KATNIP: variants seen among roughly 807,000 people sequenced by gnomAD.
The protein encoded by KATNIP is katanin-interacting protein.
In KATNIP, 126 loss-of-function variants were observed where a neutral mutation model predicts 174.0. That is an observed-to-expected ratio of 0.72 (90% CI 0.63 to 0.84). The LOEUF (loss-of-function observed/expected upper bound fraction) is 0.84. KATNIP is among the 40% of genes least tolerant of loss of function. KATNIP has a pLI of 0.00. For missense variants in KATNIP, 1,958 were observed against 2,109.7 expected, an observed-to-expected ratio of 0.93 and a Z score of 1.41; for synonymous variants, 810 against 835.7, an observed-to-expected ratio of 0.97 and a Z score of 0.53.
intron 13 of KATNIP, among the ~76,000 whole-genome samples, chr16:27,711,297 G>A (rs1418223544): frequency 1.3e-5 from 2 of 152,152 alleles, no homozygotes. Flanking sequence ...GGGGGAGATC[G>A]TGCTGTCCTA....
Position 27,778,988 on chromosome 16 carries a change from G to A in KATNIP, c.*359G>A. The A allele has an allele frequency of 4.6e-6, 1 of 219,398 alleles. No individual in the cohort carries two copies. The highest frequency in any genetic ancestry group is 8.9e-6 in the Non-Finnish European group (1 of 112,422). 13.6% of individuals were successfully genotyped at this position (219,398 alleles called of 1,614,324 possible). A position where few individuals can be genotyped will look rare whatever the true frequency, so the allele number is the denominator to read the frequency against. ...ACGGGGTGGGGAGGCATCCCATCCA[G>A]CCTCAGAGGGCCCAGAGAATGGCTG... On this transcript the variant is annotated 3_prime_UTR_variant, in exon 28 of 28. Transcript: ENST00000261588.
At chr16:27,661,495 G>A (rs888451567) in intron 6 of KATNIP, among the ~76,000 whole-genome samples, 2 of 151,822 alleles carry the variant, frequency 1.3e-5, no homozygotes, top group Admixed American at 6.6e-5. Context: ...GGGTTAATGC[G>A]ATTCTCCTGC....
In KATNIP at chr16:27,628,845, T is replaced by G; in HGVS notation, c.310+15T>G. The stretch of plus-strand genomic sequence containing the variant: ...GGGGACACACGGTGAGCACAGGCCC[T>G]CCAGGCTGAGTCTCAGCTCTGTTAA... On this transcript the variant is annotated intron_variant, in intron 4 of 27. Transcript: ENST00000261588. 6.2e-7 allele frequency: 1 copy of G among 1,613,312 alleles called. No homozygotes were observed. Among genetic ancestry groups the G allele is most frequent in the Non-Finnish European group, 8.5e-7 (1 of 1,179,602 alleles).
intron 6 of KATNIP, among the ~76,000 whole-genome samples, chr16:27,648,997 G>A (rs1396768864): frequency 6.6e-6 from 1 of 152,224 alleles, no homozygotes; most frequent in African/African-American, 2.4e-5. Flanking sequence ...TCCCTGTACA[G>A]GGAGAGAATG....
At position 27,733,564 on chromosome 16, in the gene KATNIP, GACACAC is replaced by G. The variant is rs10558929; in HGVS notation, c.1744-6443_1744-6438del. Among the ~76,000 whole-genome samples, 1,239 of 143,336 alleles carry G rather than the reference GACACAC, an allele frequency of 8.6e-3. 11 individuals are homozygous for G. Among genetic ancestry groups the G allele is most frequent in the African/African-American group, 0.019 (721 of 38,236 alleles). The allele number at this position is 143,336 out of a possible 152,430, so 94.0% of individuals were successfully genotyped here. Reference sequence around the variant, plus strand: ...ATATTCACACCAAGGAAACAAGAAGGACACACACACACACACACACACACACACACA... The same window carrying G: ...ATATTCACACCAAGGAAACAAGAAGGACACACACACACACACACACACACA... On this transcript the variant is annotated intron_variant, in intron 14 of 27. Coordinates refer to ENST00000261588, the MANE Select transcript of KATNIP (RefSeq NM_015202.5).
In KATNIP at chr16:27,777,578, G is replaced by A; in HGVS notation, c.4552-32G>A. 1 of 1,573,264 alleles carries A rather than the reference G, an allele frequency of 6.4e-7. No homozygotes were observed. Among genetic ancestry groups the A allele is most frequent in the Non-Finnish European group, 8.6e-7 (1 of 1,157,408 alleles). On this transcript the variant is annotated intron_variant, in intron 25 of 27. Transcript: ENST00000261588. The surrounding 1 kb of genome is among the most constrained non-coding windows in gnomAD (Gnocchi z 4.4). ...AAGGTCAACGTGGGAGGGACGAGGG[G>A]GACCCATGAGTCCTGCCCCGTGTCC...
Position 27,639,548 on chromosome 16 carries a change from G to A in KATNIP, c.408+8386G>A, listed in dbSNP as rs941868394. Among the ~76,000 whole-genome samples, 6 of 152,210 alleles carry A rather than the reference G, an allele frequency of 3.9e-5. 1 individual carries two copies. The highest frequency in any genetic ancestry group is 3.9e-4 in the Admixed American group (6 of 15,278). On this transcript the variant is annotated intron_variant, in intron 5 of 27. Coordinates refer to ENST00000261588, the MANE Select transcript of KATNIP (RefSeq NM_015202.5). ...TGCTAGTGAAGGGATTGGCCTTCCA[G>A]CAATTTACTGTGGGGTGGGCGTTCC...
intron 1 of KATNIP, among the ~76,000 whole-genome samples, chr16:27,555,730 G>A (rs933502615): frequency 6.6e-6 from 1 of 152,130 alleles, no homozygotes; most frequent in Non-Finnish European, 1.5e-5. Context: ...CAGCCACTTG[G>A]GGGGCTGAGG....
chr16:27,698,235 T>C (rs966141853), intron 8 of KATNIP, 93 bp from the exon 9 acceptor site: 2 of 1,311,108 alleles, frequency 1.5e-6, no homozygotes. Flanking sequence ...GCCAGTTGTT[T>C]TATAGAATGT....
intron 23 of KATNIP, among the ~76,000 whole-genome samples, chr16:27,773,529 T>A (rs1407002248): frequency 1.3e-5 from 2 of 152,190 alleles, no homozygotes; most frequent in African/African-American, 4.8e-5. Flanking sequence ...TCTGACAAGG[T>A]CTGCAGGGAG....
intron 24 of KATNIP, among the ~76,000 whole-genome samples, chr16:27,775,710 C>T (rs1367853929): frequency 6.6e-6 from 1 of 152,206 alleles, no homozygotes; most frequent in African/African-American, 2.4e-5. Context: ...CCCCTGCAGC[C>T]TCTCAGCCCA....
chr16:27,606,905 A>C (rs1345661668), intron 2 of KATNIP, among the ~76,000 whole-genome samples: 1 of 152,130 alleles, frequency 6.6e-6, no homozygotes. Context: ...AAGGTTGCTC[A>C]TAATTGTGAA....
chr16:27,702,202 C>T (rs972460122), intron 11 of KATNIP, among the ~76,000 whole-genome samples: 2 of 152,202 alleles, frequency 1.3e-5, no homozygotes, highest in Admixed American at 1.3e-4. Context: ...TGGCCCCAAC[C>T]TGTGTAGAAC....
chr16:27,616,009 C>G (rs2076024755), intron 2 of KATNIP, among the ~76,000 whole-genome samples: 1 of 152,154 alleles, frequency 6.6e-6, no homozygotes, highest in African/African-American at 2.4e-5. Context: ...CCATAACTTG[C>G]TATAACTTGG....
intron 1 of KATNIP, among the ~76,000 whole-genome samples, chr16:27,557,571 G>A (rs898695805): frequency 6.6e-6 from 1 of 151,966 alleles, no homozygotes; most frequent in African/African-American, 2.4e-5. Flanking sequence ...GGGACTACAG[G>A]TGTGTGCCAC....
At chr16:27,722,055 G>T (rs893191712) in intron 14 of KATNIP, among the ~76,000 whole-genome samples, 3 of 152,164 alleles carry the variant, frequency 2.0e-5, no homozygotes, top group Non-Finnish European at 2.9e-5. Context: ...TGGACTCCAG[G>T]CCCTTTCTCT....
intron 6 of KATNIP, among the ~76,000 whole-genome samples, chr16:27,669,603 A>G (rs2077818381): frequency 6.6e-6 from 1 of 152,194 alleles, no homozygotes; most frequent in Non-Finnish European, 1.5e-5. Flanking sequence ...GACCAGCCCA[A>G]GGTCCTCATC....
intron 6 of KATNIP, among the ~76,000 whole-genome samples, chr16:27,667,296 T>C (rs145234757): frequency 0.023 from 3,411 of 149,872 alleles, 150 homozygotes; most frequent in African/African-American, 0.08. Flanking sequence ...GCTTGGGTGA[T>C]AGAGTGAGAC....
rs909205744 is a variant in KATNIP, at chr16:27,572,261, A to AT, written c.8-1628dup. ...CAAAACGCCCATCTCTATAAAAAAA[A>AT]TTTTTTTTTTTTAAAGAACACCCTG... On this transcript the variant is annotated intron_variant, in intron 1 of 27. Transcript: ENST00000261588. Among the ~76,000 whole-genome samples, 90 of 147,062 alleles carry AT rather than the reference A, an allele frequency of 6.1e-4. 1 individual carries two copies. Among genetic ancestry groups the AT allele is most frequent in the Middle Eastern group, 3.5e-3 (1 of 284 alleles).
Sources: allele counts gnomAD v4.1 joint callset (sites outside exome capture counted in the v4.1 genomes callset), GRCh38; gene constraint gnomAD v4.1.1; non-coding constraint Gnocchi (gnomAD v3.1); transcripts MANE v1.5; gene names NCBI Gene and HGNC (gene_info 2026-07-23, HGNC 2026-07-21).